GTPBP10: variants seen among roughly 807,000 people sequenced by gnomAD.
GTPBP10 encodes the protein GTP binding protein 10, also known as GTP-binding protein 10.
In GTPBP10, 38 loss-of-function variants were observed where a neutral mutation model predicts 44.8. That is an observed-to-expected ratio of 0.85 (90% CI 0.65 to 1.11). The LOEUF is 1.11. GTPBP10 is among the 50% of genes most tolerant of loss of function. The pLI is 0.00. For missense variants in GTPBP10, 462 were observed against 453.7 expected (o/e 1.02, Z -0.17); for synonymous variants, 152 against 150.6 (o/e 1.01, Z -0.07).
At chr7:90,379,961 G>T (rs373154276) in intron 8 of GTPBP10, among the ~76,000 whole-genome samples, 169 of 151,822 alleles carry the variant, frequency 1.1e-3, no homozygotes, top group African/African-American at 3.8e-3. Flanking sequence ...AGGCATTTCT[G>T]TGTCTTTGGA....
At chr7:90,375,835 G>A (rs1359956266) in intron 6 of GTPBP10, among the ~76,000 whole-genome samples, 1 of 152,048 alleles carries the variant, frequency 6.6e-6, no homozygotes, top group Non-Finnish European at 1.5e-5. Context: ...GTGATGCTTA[G>A]GCCCCAGAGA....
intron 4 of GTPBP10, among the ~76,000 whole-genome samples, chr7:90,358,982 ATATAAGAAAATGTT>A (rs1795958922): frequency 6.6e-6 from 1 of 152,190 alleles, no homozygotes; most frequent in Non-Finnish European, 1.5e-5. Context: ...GCCAATACGC[ATATAAGAAAATGTT>A]CAACATCACT....
At chr7:90,367,270 G>A (rs1796153096) in intron 4 of GTPBP10, among the ~76,000 whole-genome samples, 1 of 152,104 alleles carries the variant, frequency 6.6e-6, no homozygotes, top group Non-Finnish European at 1.5e-5. Flanking sequence ...GTCGATTTGG[G>A]GTGGAGAGTT....
At chr7:90,348,762 T>TACC (rs1369688795) in intron 1 of GTPBP10, among the ~76,000 whole-genome samples, 17 of 152,174 alleles carry the variant, frequency 1.1e-4, no homozygotes, top group Admixed American at 6.5e-4. Flanking sequence ...TTCTATAGGG[T>TACC]ACCAATACCT....
At chr7:90,354,591 T>C in intron 3 of GTPBP10, 42 bp downstream of exon 3, 1 of 1,014,358 alleles carries the variant, frequency 9.9e-7, no homozygotes, top group Non-Finnish European at 1.4e-6. Context: ...AATGTGCACG[T>C]TTTCTAAAAT....
chr7:90,347,605 C>T (rs1795703554), intron 1 of GTPBP10: 4 of 395,524 alleles, frequency 1.0e-5, no homozygotes, highest in African/African-American at 4.4e-5. Context: ...ATTTTAATAG[C>T]CTAAGAGGTT....
rs1192166441 is a variant in GTPBP10, at chr7:90,391,237, A to G, written c.*6083A>G. On this transcript the variant is annotated 3_prime_UTR_variant, in exon 10 of 10. Transcript: ENST00000222511. ...TTGCTTAGAATAGTGTGTATTTCAGAACTTTTCCATTTAATATTTTTGGAC... is the reference window on the plus strand; with the variant it reads ...TTGCTTAGAATAGTGTGTATTTCAGGACTTTTCCATTTAATATTTTTGGAC... 1.3e-5 allele frequency: 2 copies of G among 151,632 alleles called. No homozygotes were observed. Among genetic ancestry groups the G allele is most frequent in the East Asian group, 3.9e-4 (2 of 5,186 alleles). 9.4% of individuals were successfully genotyped at this position (151,632 alleles called of 1,614,324 possible).
At chr7:90,364,777 A>G (rs1018334343) in intron 4 of GTPBP10, among the ~76,000 whole-genome samples, 5 of 152,162 alleles carry the variant, frequency 3.3e-5, no homozygotes, top group Non-Finnish European at 5.9e-5. Flanking sequence ...GACTCCACCT[A>G]GTTTGAGCTT....
chr7:90,365,976 G>A (rs201138190), intron 4 of GTPBP10, among the ~76,000 whole-genome samples: 9 of 152,128 alleles, frequency 5.9e-5, no homozygotes, highest in East Asian at 1.9e-4. Context: ...AGCATGAAGC[G>A]CTGTTGAATT....
chr7:90,374,567 C>T (rs1296037995), intron 6 of GTPBP10, among the ~76,000 whole-genome samples: 1 of 152,070 alleles, frequency 6.6e-6, no homozygotes, highest in Non-Finnish European at 1.5e-5. Flanking sequence ...CCAGTTTATC[C>T]CTACAACATT....
In GTPBP10 at chr7:90,391,395, G is replaced by T. The variant is rs1309833204; in HGVS notation, c.*6241G>T. 6.6e-6 allele frequency: 1 copy of T among 152,210 alleles called. No homozygotes were observed. Among genetic ancestry groups the T allele is most frequent in the East Asian group, 1.9e-4 (1 of 5,180 alleles). 9.4% of individuals were successfully genotyped at this position (152,210 alleles called of 1,614,324 possible). A position where few individuals can be genotyped will look rare whatever the true frequency, so the allele number is the denominator to read the frequency against. On this transcript the variant is annotated 3_prime_UTR_variant, in exon 10 of 10. Transcript: ENST00000222511. ...AGTTCATAAATTAGGCACAGTAAGA[G>T]ATTAAAAATATTAAATTGGGCCAAT...
chr7:90,388,437 T>A lies in GTPBP10; in HGVS notation c.*3283T>A, dbSNP rs1398467484. ...AGTTCTTGCAGAGCTTTCTATAATA[T>A]CAGATTTATTTACCATCATGAAATA... On this transcript the variant is annotated 3_prime_UTR_variant, in exon 10 of 10. Coordinates refer to ENST00000222511, the MANE Select transcript of GTPBP10 (RefSeq NM_033107.4). The A allele has an allele frequency of 6.8e-6, 1 of 146,694 alleles. No homozygotes were observed. The highest frequency in any genetic ancestry group is 2.6e-5 in the African/African-American group (1 of 38,554). 9.1% of individuals were successfully genotyped at this position (146,694 alleles called of 1,614,324 possible). A position where few individuals can be genotyped will look rare whatever the true frequency, so the allele number is the denominator to read the frequency against.
intron 2 of GTPBP10, among the ~76,000 whole-genome samples, chr7:90,354,193 G>A (rs2115618426): frequency 6.6e-6 from 1 of 152,166 alleles, no homozygotes; most frequent in Non-Finnish European, 1.5e-5. Flanking sequence ...CAATATTTTA[G>A]TTTCGGGTTA....
chr7:90,371,050 G>A (rs957044121), intron 4 of GTPBP10: 9 of 138,028 alleles, frequency 6.5e-5, no homozygotes, highest in African/African-American at 7.9e-5. Flanking sequence ...TAAATAAATA[G>A]ATATGAGCTA....
At position 90,388,806 on chromosome 7, in the gene GTPBP10, G is replaced by A. The variant is rs1345844578; in HGVS notation, c.*3652G>A. The A allele has an allele frequency of 1.3e-5, 2 of 152,058 alleles. No individual in the cohort carries two copies. Among genetic ancestry groups the A allele is most frequent in the South Asian group, 2.1e-4 (1 of 4,832 alleles). The allele number at this position is 152,058 out of a possible 1,614,324, so 9.4% of individuals were successfully genotyped here. ...ATGAAAGCTACAGACTTGTCTTGCC[G>A]AAAAATGTACATAAACACATAAACT... is the stretch of plus-strand genomic sequence containing the variant. On this transcript the variant is annotated 3_prime_UTR_variant, in exon 10 of 10. Coordinates refer to ENST00000222511, the MANE Select transcript of GTPBP10 (RefSeq NM_033107.4).
intron 8 of GTPBP10, among the ~76,000 whole-genome samples, chr7:90,380,320 C>G (rs755452283): frequency 6.6e-6 from 1 of 152,112 alleles, no homozygotes; most frequent in Non-Finnish European, 1.5e-5. Context: ...CTCAGGTGAT[C>G]CGCCCACCTG....
chr7:90,385,166 A>T lies in GTPBP10; in HGVS notation c.*12A>T. 1 of 1,546,130 alleles carries T rather than the reference A, an allele frequency of 6.5e-7. No homozygotes were observed. Among genetic ancestry groups the T allele is most frequent in the South Asian group, 1.2e-5 (1 of 84,892 alleles). On this transcript the variant is annotated 3_prime_UTR_variant, in exon 10 of 10. Transcript: ENST00000222511. ...TGGATATAATTTAAATATATTAAAAATGGTATTGATGGAACAGTATTTAAT... is the reference window on the plus strand; with the variant it reads ...TGGATATAATTTAAATATATTAAAATTGGTATTGATGGAACAGTATTTAAT...
At chr7:90,348,718 T>C (rs1460568025) in intron 1 of GTPBP10, among the ~76,000 whole-genome samples, 2 of 143,886 alleles carry the variant, frequency 1.4e-5, no homozygotes, top group Admixed American at 7.2e-5. Flanking sequence ...ATTTCTGTCA[T>C]GCTTTTGCTT....
At position 90,355,219 on chromosome 7, in the gene GTPBP10, A is replaced by G. The variant is rs746195401; in HGVS notation, c.453A>G (p.Val151=). Residue 151 remains valine, a synonymous_variant, in exon 4 of 10, where the codon GTA becomes GTG. Transcript: ENST00000222511. ...IHLDLKLIAD[V]GLVGFPNAGK... is the part of the protein sequence containing the mutation. ...TTGATCTAAAACTTATAGCTGATGT[A>G]GGCCTAGTAGGGTAAGTATCGTTCA... The G allele has an allele frequency of 1.2e-5, 19 of 1,585,484 alleles. No homozygotes were observed. The highest frequency in any genetic ancestry group is 1.9e-4 in the Middle Eastern group (1 of 5,246).
Sources: allele counts gnomAD v4.1 joint callset (sites outside exome capture counted in the v4.1 genomes callset), GRCh38; gene constraint gnomAD v4.1.1; transcripts MANE v1.5; gene names NCBI Gene and HGNC (gene_info 2026-07-23, HGNC 2026-07-21).